The following SLC22A24 variants were observed in gnomAD, a reference collection of about 807,000 sequenced individuals.
SLC22A24 encodes steroid transmembrane transporter SLC22A24.
A neutral mutation model predicts 49.8 loss-of-function variants in SLC22A24; 53 were observed. The observed-to-expected ratio is 1.06, with a 90% CI of 0.85 to 1.34. SLC22A24 has a LOEUF of 1.34. SLC22A24 is among the 40% of genes most tolerant of loss of function. The probability of loss-of-function intolerance (pLI) is 0.00; values close to 1 mark genes in which losing one functional copy is unlikely to be tolerated. For missense variants in SLC22A24, 786 were observed against 675.9 expected, an observed-to-expected ratio of 1.16 and a Z score of -1.81; for synonymous variants, 302 against 256.4, an observed-to-expected ratio of 1.18 and a Z score of -1.70.
At chr11:63,129,491 G>T (rs1174175541) in intron 2 of SLC22A24, among the ~76,000 whole-genome samples, 3 of 151,940 alleles carry the variant, frequency 2.0e-5, no homozygotes, top group Non-Finnish European at 4.4e-5. Flanking sequence ...TTTTAAAGTA[G>T]TTTTTTTTCC....
chr11:63,109,953 A>T lies in SLC22A24; in HGVS notation c.831-5655T>A, dbSNP rs1049217743. On this transcript the variant is annotated intron_variant, in intron 4 of 9. Transcript: ENST00000612278. ...TATGTCCTGAATGGTAATGCCTAGG[A>T]TTTCTTCTAGGGTTTTTATGGTTTT... Among the ~76,000 whole-genome samples, 238 of 152,032 alleles carry T rather than the reference A, an allele frequency of 1.6e-3. 1 individual carries two copies. The highest frequency in any genetic ancestry group is 5.4e-3 in the African/African-American group (226 of 41,494).
intron 2 of SLC22A24, among the ~76,000 whole-genome samples, chr11:63,121,392 A>G (rs1266232661): frequency 1.3e-5 from 2 of 152,158 alleles, no homozygotes; most frequent in Non-Finnish European, 2.9e-5. Context: ...TACTGTTGTT[A>G]GGAATTCATC....
chr11:63,121,385 T>G (rs1490425619), intron 2 of SLC22A24, among the ~76,000 whole-genome samples: 1 of 152,126 alleles, frequency 6.6e-6, no homozygotes, highest in Non-Finnish European at 1.5e-5. Flanking sequence ...TTAGGAATAC[T>G]GTTGTTAGGA....
chr11:63,114,214 A>G (rs1565332764), intron 4 of SLC22A24, among the ~76,000 whole-genome samples: 1 of 152,056 alleles, frequency 6.6e-6, no homozygotes, highest in Non-Finnish European at 1.5e-5. Flanking sequence ...TTAAACATAG[A>G]TTTTGTCTTT....
At chr11:63,094,097 T>C (rs1384431359) in intron 6 of SLC22A24, among the ~76,000 whole-genome samples, 2 of 151,450 alleles carry the variant, frequency 1.3e-5, no homozygotes, top group East Asian at 3.9e-4. Context: ...CTCATTAGCT[T>C]ATCATTTAGC....
chr11:63,140,075 GTTTTTTTTT>G lies in SLC22A24; in HGVS notation c.402+3294_402+3302del, dbSNP rs1554964301. Among the ~76,000 whole-genome samples the G allele has an allele frequency of 6.8e-3, 586 of 85,806 alleles. 4 individuals carry two copies. Among genetic ancestry groups the G allele is most frequent in the African/African-American group, 0.02 (536 of 27,312 alleles). 56.3% of individuals were successfully genotyped at this position (85,806 alleles called of 152,430 possible). A position where few individuals can be genotyped will look rare whatever the true frequency, so the allele number is the denominator to read the frequency against. ...ATAGAGACAGTTTTTTTGTTTTTTT[GTTTTTTTTT>G]TTTGTTTTTTTTTTTTGAGACGGGG... On this transcript the variant is annotated intron_variant, in intron 1 of 9. Coordinates refer to ENST00000612278, the MANE Select transcript of SLC22A24 (RefSeq NM_001136506.2).
chr11:63,086,419 C>T (rs762111590), intron 6 of SLC22A24, among the ~76,000 whole-genome samples: 7 of 152,120 alleles, frequency 4.6e-5, no homozygotes, highest in Admixed American at 6.5e-5. Context: ...ATTATCCTAA[C>T]TGAACTAACA....
At chr11:63,090,242 A>T (rs2087012008) in intron 6 of SLC22A24, among the ~76,000 whole-genome samples, 1 of 151,930 alleles carries the variant, frequency 6.6e-6, no homozygotes, top group South Asian at 2.1e-4. Flanking sequence ...AGAGGCTTAG[A>T]CTCCCACACA....
intron 4 of SLC22A24, among the ~76,000 whole-genome samples, chr11:63,110,112 C>T (rs2087151912): frequency 6.6e-6 from 1 of 151,698 alleles, no homozygotes; most frequent in African/African-American, 2.4e-5. Context: ...GGAATCCTTT[C>T]CCCATTGCTT....
chr11:63,101,329 G>A (rs1054200045), intron 5 of SLC22A24, among the ~76,000 whole-genome samples: 7 of 151,196 alleles, frequency 4.6e-5, no homozygotes, highest in Admixed American at 4.0e-4. Context: ...AATTACACTA[G>A]GTAAGTGTTT....
At chr11:63,093,718 G>A (rs2087034937) in intron 6 of SLC22A24, among the ~76,000 whole-genome samples, 2 of 152,000 alleles carry the variant, frequency 1.3e-5, no homozygotes, top group African/African-American at 4.8e-5. Context: ...AGGAGGGAGA[G>A]GATCAGGAAA....
rs1484181980 is a variant in SLC22A24 at position 63,118,580 on chromosome 11, A to T, written c.830+332T>A. 1.1e-5 allele frequency: 6 copies of T among 525,400 alleles called. No homozygotes were observed. In the Admixed American group the frequency reaches 2.0e-4, roughly 18 times the overall value. 32.5% of individuals were successfully genotyped at this position (525,400 alleles called of 1,614,324 possible). A position where few individuals can be genotyped will look rare whatever the true frequency, so the allele number is the denominator to read the frequency against. ...TTCCTTATATTCAATCTCAGTTACA[A>T]TGACAAAAGCCCCCAAATTATCTCC... On this transcript the variant is annotated intron_variant, in intron 4 of 9. Coordinates refer to ENST00000612278, the MANE Select transcript of SLC22A24 (RefSeq NM_001136506.2).
chr11:63,115,555 C>T (rs1276672874), intron 4 of SLC22A24, among the ~76,000 whole-genome samples: 2 of 152,252 alleles, frequency 1.3e-5, no homozygotes, highest in Admixed American at 6.5e-5. Context: ...CTTCAGCTCA[C>T]CCTCCATGAG....
intron 5 of SLC22A24, among the ~76,000 whole-genome samples, chr11:63,101,571 C>G (rs2087091177): frequency 6.6e-6 from 1 of 151,980 alleles, no homozygotes; most frequent in Non-Finnish European, 1.5e-5. Flanking sequence ...TCCATATGAT[C>G]CAGCAATGTT....
At chr11:63,081,923 G>T (rs1184639113) in intron 7 of SLC22A24, among the ~76,000 whole-genome samples, 2 of 152,148 alleles carry the variant, frequency 1.3e-5, no homozygotes, top group African/African-American at 4.8e-5. Context: ...CAATTAAGGT[G>T]GGGGTAGGGA....
At chr11:63,083,670 AT>A (rs1244325924) in intron 6 of SLC22A24, among the ~76,000 whole-genome samples, 12 of 152,344 alleles carry the variant, frequency 7.9e-5, no homozygotes, top group East Asian at 1.9e-4. Context: ...ATTGTGGAAC[AT>A]GATGTTAAAA....
chr11:63,114,730 G>A (rs1220708057), intron 4 of SLC22A24, among the ~76,000 whole-genome samples: 2 of 152,298 alleles, frequency 1.3e-5, no homozygotes, highest in South Asian at 2.1e-4. Context: ...GTGACCTACA[G>A]ATGGGGTTTT....
chr11:63,139,287 G>A lies in SLC22A24; in HGVS notation c.402+4091C>T, dbSNP rs544737490. The stretch of plus-strand genomic sequence containing the variant: ...CAGAAGGTGCCACAGACACCGTTTC[G>A]GAAGAAAGCTCTGTTTTCCTCATGA... On this transcript the variant is annotated intron_variant, in intron 1 of 9. Coordinates refer to ENST00000612278, the MANE Select transcript of SLC22A24 (RefSeq NM_001136506.2). Among the ~76,000 whole-genome samples, 41 of 152,176 alleles carry A rather than the reference G, an allele frequency of 2.7e-4. No individual in the cohort carries two copies. In the South Asian group the frequency reaches 4.4e-3, roughly 16 times the overall value.
intron 2 of SLC22A24, among the ~76,000 whole-genome samples, chr11:63,132,799 C>T (rs985027599): frequency 6.6e-6 from 1 of 152,164 alleles, no homozygotes; most frequent in Non-Finnish European, 1.5e-5. Flanking sequence ...TTTCTCAGAG[C>T]TCGAATGCCA....
Sources: gnomAD v4.1 joint callset for allele counts (sites outside exome capture counted in the v4.1 genomes callset) on GRCh38, gnomAD v4.1.1 for gene constraint, MANE v1.5 for transcripts, NCBI Gene and HGNC (gene_info 2026-07-23, HGNC 2026-07-21) for gene names.